The following VPS13A variants were observed in gnomAD, a reference collection of about 807,000 sequenced individuals.
VPS13A encodes vacuolar protein sorting 13 homolog A.
VPS13A carries 264 observed loss-of-function variants against 390.9 expected under a neutral mutation model. The observed-to-expected ratio is 0.68, with a 90% CI of 0.61 to 0.75. VPS13A has a LOEUF of 0.75. VPS13A is among the 30% of genes least tolerant of loss of function. The pLI is 0.00. For synonymous variants in VPS13A, 1,231 were observed against 1,227.1 expected (o/e 1.00, Z -0.07); for missense variants, 3,409 against 3,733.9 (o/e 0.91, Z 2.27).
chr9:77,273,247 G>A, intron 23 of VPS13A, 33 bp from the exon 24 acceptor site: 1 of 1,517,638 alleles, frequency 6.6e-7, no homozygotes, highest in Non-Finnish European at 9.1e-7. Context: ...AAACATTTTT[G>A]TGCTAATCAA....
chr9:77,407,016 C>G (rs555083560), intron 70 of VPS13A, among the ~76,000 whole-genome samples: 10 of 152,264 alleles, frequency 6.6e-5, no homozygotes, highest in African/African-American at 2.4e-4. Flanking sequence ...ACAACCTGAT[C>G]TCTCTTTGAT....
chr9:77,330,411 T>A (rs1430355919), intron 45 of VPS13A, among the ~76,000 whole-genome samples: 2 of 152,182 alleles, frequency 1.3e-5, no homozygotes, highest in Non-Finnish European at 2.9e-5. Context: ...GATCTTTCCT[T>A]GAAATTTCAA....
At chr9:77,325,993 C>A (rs1381382057) in intron 45 of VPS13A, among the ~76,000 whole-genome samples, 4 of 151,970 alleles carry the variant, frequency 2.6e-5, no homozygotes, top group Non-Finnish European at 5.9e-5. Flanking sequence ...TCAGTTTTTT[C>A]ACATATATGT....
chr9:77,329,205 G>C (rs1023939550), intron 45 of VPS13A, among the ~76,000 whole-genome samples: 2 of 152,164 alleles, frequency 1.3e-5, no homozygotes, highest in Admixed American at 6.5e-5. Context: ...GACCACTAGA[G>C]TATTCTTCCT....
At chr9:77,262,100 A>G (rs7020098) in intron 23 of VPS13A, among the ~76,000 whole-genome samples, 4,896 of 152,136 alleles carry the variant, frequency 0.032, 203 homozygotes, top group African/African-American at 0.099. Context: ...CTATTGGGTT[A>G]TGGTTGTCTA....
At chr9:77,289,802 A>G (rs1827545549) in intron 31 of VPS13A, among the ~76,000 whole-genome samples, 1 of 140,824 alleles carries the variant, frequency 7.1e-6, no homozygotes, top group African/African-American at 2.7e-5. Context: ...TTTTTTTGAG[A>G]CAGAGTCTTG....
chr9:77,413,864 CA>C (rs1421233908), intron 71 of VPS13A, among the ~76,000 whole-genome samples: 2 of 152,090 alleles, frequency 1.3e-5, no homozygotes, highest in Admixed American at 1.3e-4. Context: ...GGCCAATATC[CA>C]GAATCTACAA....
At chr9:77,357,338 A>G (rs558038804) in intron 55 of VPS13A, among the ~76,000 whole-genome samples, 1,614 of 147,170 alleles carry the variant, frequency 0.011, 21 homozygotes, top group African/African-American at 0.024. Context: ...AAAAAAAAAA[A>G]AAAAGAAAAG....
At chr9:77,381,945 TTAAAA>T in intron 67 of VPS13A, 26 bp from the exon 68 acceptor site, 1 of 1,437,642 alleles carries the variant, frequency 7.0e-7, no homozygotes, top group African/African-American at 1.4e-5. Context: ...TGAATAATTT[TTAAAA>T]TAAAGTTATA....
chr9:77,249,893 A>T (rs1031187621), intron 20 of VPS13A, among the ~76,000 whole-genome samples: 1 of 152,208 alleles, frequency 6.6e-6, no homozygotes, highest in Non-Finnish European at 1.5e-5. Flanking sequence ...TGGGAAATAT[A>T]TCCTAATATG....
rs546769068 is a variant in VPS13A, at chr9:77,347,864, T to G, written c.7289+2722T>G. Among the ~76,000 whole-genome samples, 5 of 95,792 alleles carry G rather than the reference T, an allele frequency of 5.2e-5. No individual in the cohort carries two copies. The East Asian group carries it at 6.3e-4, about 12-fold the overall frequency. The allele number at this position is 95,792 out of a possible 152,430, so 62.8% of individuals were successfully genotyped here. On this transcript the variant is annotated intron_variant, in intron 52 of 71. Transcript: ENST00000360280. ...AAATCTTACCCTATACAAAGTGAAG[T>G]TTTTTTTTTTCCTGAATGCTCTGGG...
intron 6 of VPS13A, among the ~76,000 whole-genome samples, chr9:77,210,219 T>TCTCCC (rs368546541): frequency 0.14 from 16,945 of 117,426 alleles, 1,557 homozygotes; most frequent in Non-Finnish European, 0.16. Context: ...TCTCCTCTTC[T>TCTCCC]CTCCCCTCCC....
chr9:77,365,400 G>C, intron 59 of VPS13A, 60 bp from the exon 60 acceptor site: 1 of 1,093,100 alleles, frequency 9.1e-7, no homozygotes, highest in South Asian at 1.3e-5. Flanking sequence ...TCTTCTATTT[G>C]CTTAAATATC....
At chr9:77,405,721 C>A (rs1037129848) in intron 69 of VPS13A, 143 bp from the exon 70 acceptor site, 9 of 1,117,490 alleles carry the variant, frequency 8.1e-6, no homozygotes, top group African/African-American at 1.6e-5. Flanking sequence ...GGTTCCAGTT[C>A]TTTTAAATTC....
chr9:77,392,617 G>T (rs1038838686), intron 68 of VPS13A, among the ~76,000 whole-genome samples: 3 of 151,726 alleles, frequency 2.0e-5, no homozygotes, highest in Non-Finnish European at 4.4e-5. Flanking sequence ...AGCGAATATG[G>T]CAACAAAGCA....
At chr9:77,206,130 A>G in intron 5 of VPS13A, 51 bp downstream of exon 5, 1 of 1,199,136 alleles carries the variant, frequency 8.3e-7, no homozygotes, top group Non-Finnish European at 1.2e-6. Flanking sequence ...GAAAAGACCT[A>G]AATATTTATC....
rs1446321674 is a variant in VPS13A at position 77,371,068 on chromosome 9, G to A, written c.8996G>A (p.Gly2999Glu). 17 of 1,614,092 alleles carry A rather than the reference G, an allele frequency of 1.1e-5. No individual in the cohort carries two copies. Among genetic ancestry groups the A allele is most frequent in the Non-Finnish European group, 1.4e-5 (17 of 1,179,986 alleles). ...GCAGCTGGTTTCTTTAAAGGTGTTG[G>A]GAAAGGTTTAGTAGGAGCGGTAGCA... ...GGAAGFFKGV[G>E]KGLVGAVARP... Residue 2999 changes from glycine to glutamate, a missense_variant, in exon 67 of 72, where the codon GGG (glycine) becomes GAG (glutamate). Gly to Glu is a moderately conservative substitution (Grantham distance 98, BLOSUM62 -2). Coordinates refer to ENST00000360280, the MANE Select transcript of VPS13A (RefSeq NM_033305.3).
At chr9:77,280,307 T>G (rs1349124600) in intron 27 of VPS13A, 69 bp downstream of exon 27, 1 of 1,325,922 alleles carries the variant, frequency 7.5e-7, no homozygotes, top group African/African-American at 1.4e-5. Context: ...TTTGTAAGTT[T>G]GGTATTATTC....
chr9:77,210,999 G>A (rs190347306), intron 7 of VPS13A, among the ~76,000 whole-genome samples: 29 of 152,186 alleles, frequency 1.9e-4, no homozygotes, highest in African/African-American at 5.3e-4. Context: ...ACTTCGATAA[G>A]CCTTGAAAAA....
Sources: allele counts gnomAD v4.1 joint callset (sites outside exome capture counted in the v4.1 genomes callset), GRCh38; gene constraint gnomAD v4.1.1; transcripts MANE v1.5; gene names NCBI Gene and HGNC (gene_info 2026-07-23, HGNC 2026-07-21).